The following SGCZ variants were observed in gnomAD, a reference collection of about 807,000 sequenced individuals.
The protein encoded by SGCZ is sarcoglycan zeta.
In SGCZ, 40 loss-of-function variants were observed where a neutral mutation model predicts 41.3. The observed-to-expected ratio is 0.97, with a 90% CI of 0.75 to 1.26. The LOEUF (loss-of-function observed/expected upper bound fraction) is 1.26. SGCZ is among the 50% of genes most tolerant of loss of function. SGCZ has a pLI of 0.00. For synonymous variants in SGCZ, 206 were observed against 137.5 expected (o/e 1.50, Z -3.49); for missense variants, 552 against 369.8 (o/e 1.49, Z -4.04).
At chr8:14,148,339 C>A (rs1357665667) in intron 5 of SGCZ, among the ~76,000 whole-genome samples, 1 of 151,784 alleles carries the variant, frequency 6.6e-6, no homozygotes, top group East Asian at 1.9e-4. Flanking sequence ...TAAATAAAAT[C>A]AGAAACAAAA....
At chr8:14,995,881 A>G (rs947144138) in intron 1 of SGCZ, among the ~76,000 whole-genome samples, 2 of 151,974 alleles carry the variant, frequency 1.3e-5, no homozygotes, top group African/African-American at 4.8e-5. Context: ...TCCGTTTCTT[A>G]CCTCTTAAGA....
intron 3 of SGCZ, among the ~76,000 whole-genome samples, chr8:14,263,924 CA>C (rs1203620041): frequency 3.9e-5 from 6 of 152,228 alleles, no homozygotes. Context: ...CCAGGCCTAC[CA>C]GGGTGAAACC....
At chr8:14,423,382 A>T (rs1290791947) in intron 2 of SGCZ, among the ~76,000 whole-genome samples, 2 of 152,182 alleles carry the variant, frequency 1.3e-5, no homozygotes, top group African/African-American at 4.8e-5. Flanking sequence ...CCATTAAAAA[A>T]TAAATTTTTC....
chr8:15,031,217 C>A (rs1803647944), intron 1 of SGCZ, among the ~76,000 whole-genome samples: 1 of 152,020 alleles, frequency 6.6e-6, no homozygotes. Context: ...AATTTATTTC[C>A]CAGGATGGCA....
At chr8:14,533,014 C>T (rs575784721) in intron 2 of SGCZ, among the ~76,000 whole-genome samples, 8 of 152,048 alleles carry the variant, frequency 5.3e-5, no homozygotes, top group African/African-American at 1.9e-4. Flanking sequence ...TATTATTATA[C>T]TTTAAGTTCT....
chr8:15,112,273 C>T (rs1807098789), intron 1 of SGCZ, among the ~76,000 whole-genome samples: 1 of 152,170 alleles, frequency 6.6e-6, no homozygotes, highest in Non-Finnish European at 1.5e-5. Context: ...ACTTTAATTT[C>T]CCTTCATGAT....
chr8:14,534,110 T>A (rs989681087), intron 2 of SGCZ, among the ~76,000 whole-genome samples: 1 of 151,946 alleles, frequency 6.6e-6, no homozygotes, highest in East Asian at 1.9e-4. Context: ...AATACATCCT[T>A]CGGGAATCTA....
chr8:14,262,929 C>T (rs1453293239), intron 3 of SGCZ, among the ~76,000 whole-genome samples: 1 of 151,794 alleles, frequency 6.6e-6, no homozygotes, highest in Non-Finnish European at 1.5e-5. Context: ...GAAAACAAAA[C>T]CAAAATTGAG....
chr8:14,226,206 AG>A (rs1270919922), intron 4 of SGCZ, among the ~76,000 whole-genome samples: 1 of 152,246 alleles, frequency 6.6e-6, no homozygotes, highest in East Asian at 1.9e-4. Context: ...ATATAAAAAA[AG>A]ACAGACATCA....
chr8:14,178,161 C>T (rs1804612438), intron 4 of SGCZ, among the ~76,000 whole-genome samples: 2 of 151,432 alleles, frequency 1.3e-5, no homozygotes, highest in South Asian at 4.2e-4. Flanking sequence ...ACCATGTTGG[C>T]CAGGCTGGTC....
intron 4 of SGCZ, among the ~76,000 whole-genome samples, chr8:14,213,092 G>A (rs867391123): frequency 1.7e-4 from 26 of 152,096 alleles, no homozygotes; most frequent in African/African-American, 6.0e-4. Flanking sequence ...TATAATATTT[G>A]TGTAATCAAA....
In SGCZ at chr8:14,679,500, TATATATTATATATATACAC is replaced by T. The variant is rs1214462728; in HGVS notation, c.40-124593_40-124575del. On this transcript the variant is annotated intron_variant, in intron 1 of 7. Coordinates refer to ENST00000382080, the MANE Select transcript of SGCZ (RefSeq NM_139167.4). ...TTATCAAAAAAGTAATATATATACATATATATTATATATATACACACATATATGTGCTTATAAAATCATT... is the reference window on the plus strand; with the variant it reads ...TTATCAAAAAAGTAATATATATACATACATATATGTGCTTATAAAATCATT... Among the ~76,000 whole-genome samples the T allele has an allele frequency of 2.0e-4, 19 of 97,086 alleles. No individual in the cohort carries two copies. The East Asian group carries it at 8.5e-3, about 43-fold the overall frequency. The allele number at this position is 97,086 out of a possible 152,430, so 63.7% of individuals were successfully genotyped here.
At chr8:14,619,125 G>C (rs1454516916) in intron 1 of SGCZ, among the ~76,000 whole-genome samples, 3 of 152,102 alleles carry the variant, frequency 2.0e-5, no homozygotes, top group Admixed American at 1.3e-4. Flanking sequence ...GGGATGCAAG[G>C]CTGGTTCAAC....
At chr8:15,112,223 G>C (rs1479322471) in intron 1 of SGCZ, among the ~76,000 whole-genome samples, 6 of 152,196 alleles carry the variant, frequency 3.9e-5, no homozygotes, top group Non-Finnish European at 8.8e-5. Context: ...TTCCTAAGAA[G>C]AAAATAATAT....
intron 3 of SGCZ, among the ~76,000 whole-genome samples, chr8:14,270,281 G>C (rs199921389): frequency 6.6e-6 from 1 of 151,946 alleles, no homozygotes; most frequent in African/African-American, 2.4e-5. Context: ...GCAGTGAGCC[G>C]AGATCATGCC....
intron 1 of SGCZ, among the ~76,000 whole-genome samples, chr8:15,053,980 TC>T (rs1307465892): frequency 9.9e-5 from 15 of 152,244 alleles, no homozygotes; most frequent in Admixed American, 9.8e-4. Flanking sequence ...AAATTTTGGA[TC>T]TAAGGTATGA....
chr8:14,850,475 A>C (rs959394753), intron 1 of SGCZ, among the ~76,000 whole-genome samples: 1 of 152,300 alleles, frequency 6.6e-6, no homozygotes, highest in South Asian at 2.1e-4. Flanking sequence ...CAAGTGAGAA[A>C]CGTGTGAGAA....
intron 1 of SGCZ, among the ~76,000 whole-genome samples, chr8:15,161,732 G>A (rs1485891774): frequency 6.6e-6 from 1 of 152,102 alleles, no homozygotes; most frequent in Non-Finnish European, 1.5e-5. Context: ...CAAACAGTTG[G>A]CAATTAACAA....
chr8:14,179,408 T>A (rs955726197), intron 4 of SGCZ, among the ~76,000 whole-genome samples: 1 of 152,176 alleles, frequency 6.6e-6, no homozygotes, highest in African/African-American at 2.4e-5. Flanking sequence ...ACAAGACCAG[T>A]TCGCCTTTGC....
Sources: allele counts gnomAD v4.1 joint callset (sites outside exome capture counted in the v4.1 genomes callset), GRCh38; gene constraint gnomAD v4.1.1; transcripts MANE v1.5; gene names NCBI Gene and HGNC (gene_info 2026-07-23, HGNC 2026-07-21).